TMEM19: variants seen among roughly 807,000 people sequenced by gnomAD.
The protein encoded by TMEM19 is transmembrane protein 19.
A neutral mutation model predicts 33.6 loss-of-function variants in TMEM19; 21 were observed. The observed-to-expected ratio is 0.62, with a 90% CI of 0.44 to 0.90. The LOEUF (loss-of-function observed/expected upper bound fraction) is 0.90. Among genes scored for constraint, TMEM19 ranks in the 40% least tolerant of loss-of-function variants. The probability of loss-of-function intolerance (pLI) is 0.00; values close to 1 mark genes in which losing one functional copy is unlikely to be tolerated. For synonymous variants in TMEM19, 149 were observed against 147.5 expected (o/e 1.01, Z -0.07); for missense variants, 402 against 401.8 (o/e 1.00, Z 0.00).
chr12:71,688,221 G>A (rs1881725839), intron 1 of TMEM19, among the ~76,000 whole-genome samples: 1 of 152,030 alleles, frequency 6.6e-6, no homozygotes, highest in South Asian at 2.1e-4. Flanking sequence ...GAATGCTTGG[G>A]CCCTCTTTGT....
intron 2 of TMEM19, among the ~76,000 whole-genome samples, chr12:71,696,188 A>G (rs545999522): frequency 7.9e-5 from 12 of 152,292 alleles, no homozygotes; most frequent in Admixed American, 7.8e-4. Context: ...AATTTTAAAA[A>G]TATTATCTAA....
intron 5 of TMEM19, among the ~76,000 whole-genome samples, chr12:71,700,468 G>A (rs928149976): frequency 7.2e-5 from 11 of 152,178 alleles, no homozygotes; most frequent in Admixed American, 5.9e-4. Context: ...CCACTGGGAA[G>A]GCAGGCCCAA....
rs1024521662 is a variant in TMEM19 at position 71,703,272 on chromosome 12, G to A, written c.*2277G>A. On this transcript the variant is annotated 3_prime_UTR_variant, in exon 6 of 6. Transcript: ENST00000266673. ...CTACATAAGAATGTCCTAAAGCACT[G>A]TATCTAAGCACTTGAAAAGAATGGG... 2.1e-5 allele frequency: 3 copies of A among 141,374 alleles called. No individual in the cohort carries two copies. Among genetic ancestry groups the A allele is most frequent in the African/African-American group, 7.7e-5 (3 of 38,966 alleles). The allele number at this position is 141,374 out of a possible 1,614,324, so 8.8% of individuals were successfully genotyped here. A position where few individuals can be genotyped will look rare whatever the true frequency, so the allele number is the denominator to read the frequency against.
chr12:71,692,518 C>T (rs1346589019), intron 2 of TMEM19, among the ~76,000 whole-genome samples: 1 of 152,190 alleles, frequency 6.6e-6, no homozygotes, highest in East Asian at 1.9e-4. Context: ...ATTCAAATCT[C>T]ATGAAGTCAT....
rs369062787 is a variant in TMEM19 at position 71,690,163 on chromosome 12, T to A, written c.244+459T>A. The stretch of plus-strand genomic sequence containing the variant: ...GGATATGCATTCATTCTTTTAGCAA[T>A]TTTTTTTTTCCCGAGACAGTCTTGC... On this transcript the variant is annotated intron_variant, in intron 2 of 5. Transcript: ENST00000266673. Among the ~76,000 whole-genome samples, 10 of 150,954 alleles carry A rather than the reference T, an allele frequency of 6.6e-5. No homozygotes were observed. The South Asian group carries it at 1.5e-3, about 22-fold the overall frequency.
chr12:71,694,963 C>A (rs1397944268), intron 2 of TMEM19, among the ~76,000 whole-genome samples: 1 of 152,204 alleles, frequency 6.6e-6, no homozygotes. Flanking sequence ...TCCCCCAATG[C>A]TATCTGTTAG....
chr12:71,690,943 C>G (rs924365250), intron 2 of TMEM19, among the ~76,000 whole-genome samples: 30 of 152,284 alleles, frequency 2.0e-4, no homozygotes, highest in South Asian at 8.3e-4. Context: ...ATGGTTTTGT[C>G]AATTTTGCAA....
In TMEM19 at chr12:71,701,306, A is replaced by T. The variant is rs1444724263; in HGVS notation, c.*311A>T. On this transcript the variant is annotated 3_prime_UTR_variant, in exon 6 of 6. Coordinates refer to ENST00000266673, the MANE Select transcript of TMEM19 (RefSeq NM_018279.4). ...GAAAGTTCTTACATAATCAATGTCA[A>T]GTTTTGTCTTATTTTGTTTTGTTTG... 5.3e-6 allele frequency: 1 copy of T among 188,014 alleles called. No homozygotes were observed. The highest frequency in any genetic ancestry group is 2.3e-5 in the African/African-American group (1 of 42,796). The allele number at this position is 188,014 out of a possible 1,614,324, so 11.6% of individuals were successfully genotyped here. A position where few individuals can be genotyped will look rare whatever the true frequency, so the allele number is the denominator to read the frequency against.
At chr12:71,689,560 C>T (rs752432944) in intron 1 of TMEM19, 31 bp from the exon 2 acceptor site, 2 of 1,577,132 alleles carry the variant, frequency 1.3e-6, no homozygotes, top group Non-Finnish European at 1.7e-6. Context: ...AAACTTCACA[C>T]AATTTGTGCT....
chr12:71,703,548 A>G lies in TMEM19; in HGVS notation c.*2553A>G, dbSNP rs1205369490. The G allele has an allele frequency of 6.5e-6, 1 of 153,298 alleles. No homozygotes were observed. Among genetic ancestry groups the G allele is most frequent in the Non-Finnish European group, 1.5e-5 (1 of 68,762 alleles). The allele number at this position is 153,298 out of a possible 1,614,324, so 9.5% of individuals were successfully genotyped here. ...ATTTAGTAGAATCACTGTATCATTA[A>G]CAGTTTGGGGAAGTACTGCTTTGCA... On this transcript the variant is annotated 3_prime_UTR_variant, in exon 6 of 6. Coordinates refer to ENST00000266673, the MANE Select transcript of TMEM19 (RefSeq NM_018279.4).
intron 1 of TMEM19, 103 bp downstream of exon 1, chr12:71,686,913 A>G: frequency 1.7e-6 from 2 of 1,203,814 alleles, no homozygotes; most frequent in Non-Finnish European, 2.3e-6. Context: ...ATGGTTATGA[A>G]TGGTTGTGTT....
rs143587024 is a variant in TMEM19, at chr12:71,689,600, G to A, written c.140G>A (p.Arg47Gln). Residue 47 changes from arginine to glutamine, a missense_variant, in exon 2 of 6, where the codon CGA becomes CAA. Coordinates refer to ENST00000266673, the MANE Select transcript of TMEM19 (RefSeq NM_018279.4). ...CTTTATAATTTTTCAGGTAACTTAC[G>A]ACCTATTTCTCCGTGGCGTTGGCTG... is the stretch of plus-strand genomic sequence containing the variant. ...MTASTYYGNL[R>Q]PISPWRWLFS... The A allele has an allele frequency of 5.1e-5, 83 of 1,613,876 alleles. No individual in the cohort carries two copies. The highest frequency in any genetic ancestry group is 6.7e-5 in the African/African-American group (5 of 74,966).
chr12:71,689,256 G>A (rs1004477408), intron 1 of TMEM19, among the ~76,000 whole-genome samples: 4 of 152,058 alleles, frequency 2.6e-5, no homozygotes, highest in Non-Finnish European at 5.9e-5. Context: ...CGTTATAATT[G>A]CCTGTAGTAT....
At position 71,702,667 on chromosome 12, in the gene TMEM19, T is replaced by A. The variant is rs1013905929; in HGVS notation, c.*1672T>A. 8 of 152,194 alleles carry A rather than the reference T, an allele frequency of 5.3e-5. No individual in the cohort carries two copies. The highest frequency in any genetic ancestry group is 1.7e-4 in the African/African-American group (7 of 41,446). 9.4% of individuals were successfully genotyped at this position (152,194 alleles called of 1,614,324 possible). Reference sequence around the variant, plus strand: ...ATGTCTGGGTTTCACACTGCAAAATTCTGATTTATCTGATCTAAGGTACAG... The same window carrying A: ...ATGTCTGGGTTTCACACTGCAAAATACTGATTTATCTGATCTAAGGTACAG... On this transcript the variant is annotated 3_prime_UTR_variant, in exon 6 of 6. Coordinates refer to ENST00000266673, the MANE Select transcript of TMEM19 (RefSeq NM_018279.4).
At chr12:71,689,243 ATACGT>A (rs1881743516) in intron 1 of TMEM19, among the ~76,000 whole-genome samples, 1 of 152,194 alleles carries the variant, frequency 6.6e-6, no homozygotes, top group Non-Finnish European at 1.5e-5. Flanking sequence ...AGATACACAA[ATACGT>A]TATAATTGCC....
At chr12:71,688,933 G>A (rs1024631083) in intron 1 of TMEM19, among the ~76,000 whole-genome samples, 9 of 152,114 alleles carry the variant, frequency 5.9e-5, no homozygotes, top group Non-Finnish European at 1.0e-4. Flanking sequence ...AAAAGAGTTC[G>A]TTCTAGGTAG....
At chr12:71,693,030 A>G (rs1056761367) in intron 2 of TMEM19, among the ~76,000 whole-genome samples, 2 of 151,868 alleles carry the variant, frequency 1.3e-5, no homozygotes, top group Non-Finnish European at 2.9e-5. Context: ...CCTCGTCTCT[A>G]CTAAAAATAC....
At chr12:71,689,942 G>A (rs1881757262) in intron 2 of TMEM19, among the ~76,000 whole-genome samples, 4 of 152,144 alleles carry the variant, frequency 2.6e-5, no homozygotes. Flanking sequence ...TAGATTAATA[G>A]GATAGATGAA....
At chr12:71,689,793 G>T in intron 2 of TMEM19, 89 bp downstream of exon 2, 1 of 849,886 alleles carries the variant, frequency 1.2e-6, no homozygotes, top group African/African-American at 1.7e-5. Flanking sequence ...GAATATATGA[G>T]ACTGACTACA....
Sources: allele counts gnomAD v4.1 joint callset (sites outside exome capture counted in the v4.1 genomes callset), GRCh38; gene constraint gnomAD v4.1.1; transcripts MANE v1.5; gene names NCBI Gene and HGNC (gene_info 2026-07-23, HGNC 2026-07-21).